EXD3: variants seen among roughly 807,000 people sequenced by gnomAD.
The protein encoded by EXD3 is exonuclease 3'-5' domain containing 3, also known as exonuclease mut-7 homolog.
In EXD3, 92 loss-of-function variants were observed where a neutral mutation model predicts 98.0. That is an observed-to-expected ratio of 0.94 (90% confidence interval 0.79 to 1.12). The LOEUF is 1.12. Ranked by LOEUF, EXD3 falls within the 50% of genes most tolerant of loss-of-function variation. The probability of loss-of-function intolerance (pLI) is 0.00; values close to 1 mark genes in which losing one functional copy is unlikely to be tolerated. For synonymous variants in EXD3, 569 were observed against 526.0 expected, an observed-to-expected ratio of 1.08 and a Z score of -1.12; for missense variants, 1,222 against 1,191.6, an observed-to-expected ratio of 1.03 and a Z score of -0.38.
At chr9:137,310,771 C>T (rs1831316620) in intron 19 of EXD3, among the ~76,000 whole-genome samples, 1 of 152,202 alleles carries the variant, frequency 6.6e-6, no homozygotes, top group South Asian at 2.1e-4. Context: ...ACCTGCAGGT[C>T]CTGTGGAGGT....
chr9:137,398,172 C>T (rs970129758), intron 1 of EXD3, among the ~76,000 whole-genome samples: 4 of 152,202 alleles, frequency 2.6e-5, no homozygotes, highest in South Asian at 2.1e-4. Flanking sequence ...ATTGAAAGAA[C>T]GAGGGGGAAA....
At chr9:137,350,721 G>C (rs1054654003) in intron 14 of EXD3, among the ~76,000 whole-genome samples, 2 of 151,920 alleles carry the variant, frequency 1.3e-5, no homozygotes, top group African/African-American at 4.8e-5. Context: ...GAGGGGGCTA[G>C]ATAGAGCCCC....
chr9:137,322,648 T>C lies in EXD3; in HGVS notation c.2184+1077A>G, dbSNP rs34350254. Reference sequence around the variant, plus strand: ...CCACGAGGGATGCTCTGCCGACACCTCACCCCGGACCCCCGAGGGATTTTC... The same window carrying C: ...CCACGAGGGATGCTCTGCCGACACCCCACCCCGGACCCCCGAGGGATTTTC... On this transcript the variant is annotated intron_variant, in intron 19 of 21. Coordinates refer to ENST00000340951, the MANE Select transcript of EXD3 (RefSeq NM_017820.5). Among the ~76,000 whole-genome samples, 63 of 83,966 alleles carry C rather than the reference T, an allele frequency of 7.5e-4. 1 individual carries two copies. Among genetic ancestry groups the C allele is most frequent in the Admixed American group, 6.7e-3 (45 of 6,762 alleles). The allele number at this position is 83,966 out of a possible 152,430, so 55.1% of individuals were successfully genotyped here. A position where few individuals can be genotyped will look rare whatever the true frequency, so the allele number is the denominator to read the frequency against.
intron 17 of EXD3, among the ~76,000 whole-genome samples, chr9:137,331,433 G>A (rs1025120943): frequency 7.9e-5 from 12 of 152,214 alleles, no homozygotes; most frequent in Non-Finnish European, 1.2e-4. Context: ...GGAAAGACAA[G>A]AAAGAGAGGG....
chr9:137,383,298 G>C lies in EXD3; in HGVS notation c.120+15C>G. 1 of 1,546,596 alleles carries C rather than the reference G, an allele frequency of 6.5e-7. No homozygotes were observed. Among genetic ancestry groups the C allele is most frequent in the Non-Finnish European group, 8.7e-7 (1 of 1,143,664 alleles). ...GGCTGTGACTTGGCACGTGGTGGCT[G>C]CCACGTCCACTCACCTGCTTCCGCT... On this transcript the variant is annotated intron_variant, in intron 3 of 21. Transcript: ENST00000340951.
chr9:137,327,900 T>C (rs1832540236), intron 17 of EXD3, among the ~76,000 whole-genome samples: 1 of 140,364 alleles, frequency 7.1e-6, no homozygotes. Context: ...ACCCACATGA[T>C]GAGTAAAAAC....
chr9:137,401,673 G>A (rs1031784871), intron 1 of EXD3, among the ~76,000 whole-genome samples: 8 of 152,186 alleles, frequency 5.3e-5, no homozygotes, highest in South Asian at 2.1e-4. Context: ...GCCACAGCCC[G>A]AGCTCTATGT....
At position 137,360,859 on chromosome 9, in the gene EXD3, T is replaced by G. The variant is rs1023251571; in HGVS notation, c.657-4491A>C. ...TAAACTTACCTTGTAACCAGTGATC[T>G]TGCTAAATTTACTTATTAATTCTAA... On this transcript the variant is annotated intron_variant, in intron 7 of 21. Transcript: ENST00000340951. Among the ~76,000 whole-genome samples the G allele has an allele frequency of 3.4e-5, 3 of 87,288 alleles. 1 individual carries two copies. The highest frequency in any genetic ancestry group is 2.8e-4 in the Admixed American group (2 of 7,262). 57.3% of individuals were successfully genotyped at this position (87,288 alleles called of 152,430 possible).
In EXD3 at chr9:137,355,499, A is replaced by T. The variant is rs879079015; in HGVS notation, c.758-726T>A. Among the ~76,000 whole-genome samples the T allele has an allele frequency of 1.3e-3, 36 of 27,744 alleles. No individual in the cohort carries two copies. In the South Asian group the frequency reaches 0.021, roughly 16 times the overall value. The allele number at this position is 27,744 out of a possible 152,430, so 18.2% of individuals were successfully genotyped here. ...AGGAAGGAGGAAGGAGGATGGAGGA[A>T]GGAGGAAGGAGGAAGGAGGAAGGAG... On this transcript the variant is annotated intron_variant, in intron 8 of 21. Coordinates refer to ENST00000340951, the MANE Select transcript of EXD3 (RefSeq NM_017820.5).
intron 3 of EXD3, among the ~76,000 whole-genome samples, chr9:137,377,950 C>T (rs567319128): frequency 2.6e-5 from 4 of 151,430 alleles, no homozygotes; most frequent in East Asian, 2.0e-4. Flanking sequence ...CAGGCCACCA[C>T]GCCTGGCCAA....
chr9:137,338,867 T>C (rs1588292967), intron 17 of EXD3, among the ~76,000 whole-genome samples: 1 of 135,362 alleles, frequency 7.4e-6, no homozygotes, highest in South Asian at 2.3e-4. Context: ...CACTCCAGCC[T>C]GGGCAACAGA....
chr9:137,323,853 G>A lies in EXD3; in HGVS notation c.2056C>T (p.Arg686Trp), dbSNP rs368208485. 6.3e-5 allele frequency: 101 copies of A among 1,610,026 alleles called. No individual in the cohort carries two copies. Among genetic ancestry groups the A allele is most frequent in the Middle Eastern group, 1.8e-4 (1 of 5,526 alleles). ...LTSGQPFHKL[R>W]AQVGAGRCLS... The stretch of plus-strand genomic sequence containing the variant: ...CAGCGCCCAGCCCCGACCTGGGCCC[G>A]GAGCTGCAAAGACACGGCTCGGCTA... Residue 686 changes from arginine (R) to tryptophan (W), a missense_variant, in exon 19 of 22, where the codon CGG (arginine) becomes TGG (tryptophan). Coordinates refer to ENST00000340951, the MANE Select transcript of EXD3 (RefSeq NM_017820.5).
intron 1 of EXD3, among the ~76,000 whole-genome samples, chr9:137,419,489 G>A (rs1588449549): frequency 6.6e-6 from 1 of 151,900 alleles, no homozygotes; most frequent in East Asian, 1.9e-4. Flanking sequence ...GGCCAATGTG[G>A]TAAAACCCCG....
In EXD3 at chr9:137,330,573, G is replaced by GCTACACAGGA. The variant is rs1324159488; in HGVS notation, c.1999-6440_1999-6431dup. 4.1e-4 allele frequency among the ~76,000 whole-genome samples: 25 copies of GCTACACAGGA among 61,452 alleles called. 1 individual carries two copies. The highest frequency in any genetic ancestry group is 2.1e-4 in the Non-Finnish European group (6 of 29,096). 40.3% of individuals were successfully genotyped at this position (61,452 alleles called of 152,430 possible). A position where few individuals can be genotyped will look rare whatever the true frequency, so the allele number is the denominator to read the frequency against. ...AGGAGCTACACAGGGCTCCACAGGAGCTACACAGGACTACACAGGACTACA... is the reference window on the plus strand; with the variant it reads ...AGGAGCTACACAGGGCTCCACAGGAGCTACACAGGACTACACAGGACTACACAGGACTACA... On this transcript the variant is annotated intron_variant, in intron 17 of 21. Transcript: ENST00000340951.
intron 17 of EXD3, among the ~76,000 whole-genome samples, chr9:137,328,621 A>G (rs79918903): frequency 0.17 from 2,811 of 16,776 alleles, 231 homozygotes; most frequent in East Asian, 0.47. Flanking sequence ...GCTACACGGG[A>G]CTACACGGGA....
At chr9:137,365,753 TGCACAC>T (rs1835207316) in intron 7 of EXD3, 2 of 320,958 alleles carry the variant, frequency 6.2e-6, no homozygotes. Flanking sequence ...CACACATACA[TGCACAC>T]ACACACCACA....
rs527546024 is a variant in EXD3 at position 137,395,163 on chromosome 9, T to C, written c.55+140A>G. On this transcript the variant is annotated intron_variant, in intron 2 of 21. Transcript: ENST00000340951. The surrounding 1 kb of genome is among the most constrained non-coding windows in gnomAD (Gnocchi z 6.5). ...TCACAAGGTCCCAAGCCGTGGACAC[T>C]GTAGAGAGGCCCGCAGCTAGGGGCC... The C allele has an allele frequency of 1.0e-5, 8 of 763,556 alleles. No homozygotes were observed. Among genetic ancestry groups the C allele is most frequent in the African/African-American group, 5.2e-5 (3 of 58,146 alleles). The allele number at this position is 763,556 out of a possible 1,614,324, so 47.3% of individuals were successfully genotyped here.
intron 8 of EXD3, among the ~76,000 whole-genome samples, chr9:137,355,192 G>T (rs903152638): frequency 6.6e-6 from 1 of 152,080 alleles, no homozygotes; most frequent in Non-Finnish European, 1.5e-5. Context: ...GCACACGCAC[G>T]TCCACACCCT....
At chr9:137,333,163 C>A (rs912660601) in intron 17 of EXD3, among the ~76,000 whole-genome samples, 5 of 152,204 alleles carry the variant, frequency 3.3e-5, no homozygotes, top group Admixed American at 2.0e-4. Flanking sequence ...GAACATCAGA[C>A]TCCAAGTTCC....
Sources: allele counts gnomAD v4.1 joint callset (sites outside exome capture counted in the v4.1 genomes callset), GRCh38; gene constraint gnomAD v4.1.1; non-coding constraint Gnocchi (gnomAD v3.1); transcripts MANE v1.5; gene names NCBI Gene and HGNC (gene_info 2026-07-23, HGNC 2026-07-21).